Variants in TRMU observed in about 807,000 individuals in gnomAD.
TRMU encodes the protein tRNA mitochondrial 2-thiouridylase, also known as mitochondrial tRNA-specific 2-thiouridylase 1.
Under a neutral mutation model 46.9 loss-of-function variants are expected in TRMU, and 49 were observed. The observed-to-expected ratio is 1.05, with a 90% CI of 0.83 to 1.33. TRMU has a LOEUF of 1.33. TRMU is among the 40% of genes most tolerant of loss of function. The pLI is 0.00. For synonymous variants in TRMU, 241 were observed against 200.9 expected (o/e 1.20, Z -1.69); for missense variants, 572 against 532.4 (o/e 1.07, Z -0.73).
intron 8 of TRMU, chr22:46,354,384 G>T (rs2078531938): frequency 5.7e-6 from 1 of 174,698 alleles, no homozygotes. Context: ...AGTGTCTAGA[G>T]GCATTTTTGG....
At chr22:46,356,222 C>G (rs929497583) in intron 10 of TRMU, 150 bp downstream of exon 10, 2 of 750,662 alleles carry the variant, frequency 2.7e-6, no homozygotes, top group Admixed American at 2.2e-5. Flanking sequence ...CCAGCCCTGC[C>G]CTGGGGGCTC....
rs145055776 is a variant in TRMU at position 46,345,481 on chromosome 22, T to A, written c.356-941T>A. ...AAAGAAGAAACAGTGTGCTGGATGA[T>A]TCTTCACTCTGATGAAAATAATACA... On this transcript the variant is annotated intron_variant, in intron 3 of 10. Coordinates refer to ENST00000645190, the MANE Select transcript of TRMU (RefSeq NM_018006.5). Among the ~76,000 whole-genome samples the A allele has an allele frequency of 1.9e-3, 294 of 152,364 alleles. 3 individuals are homozygous for A. Among genetic ancestry groups the A allele is most frequent in the Admixed American group, 0.017 (256 of 15,294 alleles).
Position 46,335,849 on chromosome 22 carries a change from G to C in TRMU, c.82+3G>C. The stretch of plus-strand genomic sequence containing the variant: ...CGCGCTGCTGCTGAGGCGGAGAGGT[G>C]AGGCGTCCGAGGCTCCCGCCCCCCG... On this transcript the variant is annotated splice_donor_region_variant and intron_variant, in intron 1 of 10. Coordinates refer to ENST00000645190, the MANE Select transcript of TRMU (RefSeq NM_018006.5). 1 of 1,541,202 alleles carries C rather than the reference G, an allele frequency of 6.5e-7. No individual in the cohort carries two copies. Among genetic ancestry groups the C allele is most frequent in the South Asian group, 1.2e-5 (1 of 84,170 alleles).
Position 46,346,454 on chromosome 22 carries a change from A to C in TRMU, c.388A>C (p.Arg130=), listed in dbSNP as rs374760475. 3.1e-6 allele frequency: 5 copies of C among 1,613,556 alleles called. No individual in the cohort carries two copies. The African/African-American group carries it at 6.7e-5, about 22-fold the overall frequency. Reference sequence around the variant, plus strand: ...TGCCATTGCCACAGGTCACTATGCAAGAACTTCCCTGGAAGATGAAGAAGT... The same window carrying C: ...TGCCATTGCCACAGGTCACTATGCACGAACTTCCCTGGAAGATGAAGAAGT... ...ADAIATGHYA[R]TSLEDEEVFE... is the part of the protein sequence containing the mutation. Residue 130 remains arginine, a synonymous_variant, in exon 4 of 11, where the codon AGA becomes CGA. Coordinates refer to ENST00000645190, the MANE Select transcript of TRMU (RefSeq NM_018006.5).
chr22:46,355,302 G>T (rs1318452572), intron 8 of TRMU, 142 bp from the exon 9 acceptor site: 58 of 1,306,112 alleles, frequency 4.4e-5, no homozygotes, highest in Non-Finnish European at 6.0e-5. Flanking sequence ...GAATTTCTGT[G>T]GGTAGAACAC....
chr22:46,345,526 A>C (rs1015650431), intron 3 of TRMU, among the ~76,000 whole-genome samples: 6 of 152,358 alleles, frequency 3.9e-5, no homozygotes, highest in Admixed American at 1.3e-4. Context: ...CAGAAAATTT[A>C]AAAGAGGAGA....
intron 7 of TRMU, chr22:46,353,443 C>T (rs1216045388): frequency 5.5e-6 from 2 of 363,350 alleles, no homozygotes; most frequent in African/African-American, 4.2e-5. Context: ...AAGAAGGGCC[C>T]CTGGCGTCAC....
intron 3 of TRMU, among the ~76,000 whole-genome samples, chr22:46,344,808 G>T (rs1417057794): frequency 1.3e-5 from 2 of 152,244 alleles, no homozygotes; most frequent in Admixed American, 1.3e-4. Context: ...TATAAGTGCT[G>T]TTCTTTGAGG....
intron 7 of TRMU, 167 bp from the exon 8 acceptor site, chr22:46,353,600 C>T (rs2078502810): frequency 9.6e-6 from 6 of 627,806 alleles, no homozygotes; most frequent in Admixed American, 2.1e-5. Context: ...TGCTCAGGTG[C>T]TTGGTCAGGG....
Position 46,350,977 on chromosome 22 carries a change from G to T in TRMU, c.651+514G>T, listed in dbSNP as rs1401366005. ...CCATGGAGCCCGCCCGCGAGTGGGG[G>T]ACACAGGCAGGAGGCCAATCAGTGT... is the stretch of plus-strand genomic sequence containing the variant. On this transcript the variant is annotated intron_variant, in intron 5 of 10. Transcript: ENST00000645190. The surrounding 1 kb of genome is among the most constrained non-coding windows in gnomAD (Gnocchi z 4.6). Among the ~76,000 whole-genome samples the T allele has an allele frequency of 2.0e-5, 3 of 152,352 alleles. No individual in the cohort carries two copies. In the East Asian group the frequency reaches 5.8e-4, roughly 29 times the overall value.
chr22:46,339,635 T>C lies in TRMU; in HGVS notation c.248+1691T>C, dbSNP rs756717154. Among the ~76,000 whole-genome samples, 2 of 152,176 alleles carry C rather than the reference T, an allele frequency of 1.3e-5. No homozygotes were observed. The highest frequency in any genetic ancestry group is 2.9e-5 in the Non-Finnish European group (2 of 68,024). ...AAGTCACCACTGAAGAACTTATCCATGTGACCAAATACCAGCTGTTGCCCA... is the reference window on the plus strand; with the variant it reads ...AAGTCACCACTGAAGAACTTATCCACGTGACCAAATACCAGCTGTTGCCCA... On this transcript the variant is annotated intron_variant, in intron 2 of 10. Transcript: ENST00000645190. This position sits in a 1 kb window ranked among gnomAD's most constrained non-coding sequence, Gnocchi z 4.8.
rs989542521 is a variant in TRMU at position 46,347,193 on chromosome 22, G to A, written c.478+649G>A. 3.9e-5 allele frequency among the ~76,000 whole-genome samples: 6 copies of A among 152,138 alleles called. No individual in the cohort carries two copies. Among genetic ancestry groups the A allele is most frequent in the African/African-American group, 7.2e-5 (3 of 41,416 alleles). On this transcript the variant is annotated intron_variant, in intron 4 of 10. Coordinates refer to ENST00000645190, the MANE Select transcript of TRMU (RefSeq NM_018006.5). This position sits in a 1 kb window ranked among gnomAD's most constrained non-coding sequence, Gnocchi z 5.0. ...GGGGCTCAGAGCCGTGTTTCCGCAC[G>A]GAGCGTCCGTCCATCAGTGGGGACC...
At position 46,349,113 on chromosome 22, in the gene TRMU, G is replaced by A. The variant is rs1416233000; in HGVS notation, c.479-1178G>A. ...GAGATGTGCCACTGCACTCCAGCCT[G>A]GGCGACAGAGCGAGACTCCATCTCA... On this transcript the variant is annotated intron_variant, in intron 4 of 10. Coordinates refer to ENST00000645190, the MANE Select transcript of TRMU (RefSeq NM_018006.5). This position sits in a 1 kb window ranked among gnomAD's most constrained non-coding sequence, Gnocchi z 4.6. Among the ~76,000 whole-genome samples the A allele has an allele frequency of 6.6e-6, 1 of 151,880 alleles. No individual in the cohort carries two copies. Among genetic ancestry groups the A allele is most frequent in the African/African-American group, 2.4e-5 (1 of 41,348 alleles).
intron 2 of TRMU, among the ~76,000 whole-genome samples, chr22:46,340,177 TAAG>T (rs913195580): frequency 1.3e-5 from 2 of 152,174 alleles, no homozygotes. Context: ...TCTGCTTTAA[TAAG>T]CACTTCAGCT....
Position 46,351,444 on chromosome 22 carries a change from C to A in TRMU, c.652-677C>A, listed in dbSNP as rs957142185. Among the ~76,000 whole-genome samples, 39 of 151,742 alleles carry A rather than the reference C, an allele frequency of 2.6e-4. No individual in the cohort carries two copies. The highest frequency in any genetic ancestry group is 8.8e-4 in the African/African-American group (36 of 41,004). ...TCTTCAGGGGCCAGTGCGGTGGGAG[C>A]TGTTGCTCCTTCGTGTCTCTTCCTG... On this transcript the variant is annotated intron_variant, in intron 5 of 10. Transcript: ENST00000645190. This position sits in a 1 kb window ranked among gnomAD's most constrained non-coding sequence, Gnocchi z 6.4.
At position 46,355,988 on chromosome 22, in the gene TRMU, A is replaced by C; in HGVS notation, c.1019-2A>C. 1.2e-6 allele frequency: 2 copies of C among 1,613,910 alleles called. No individual in the cohort carries two copies. Among genetic ancestry groups the C allele is most frequent in the African/African-American group, 2.7e-5 (2 of 75,032 alleles). On this transcript the variant is annotated splice_acceptor_variant, in intron 9 of 10. Coordinates refer to ENST00000645190, the MANE Select transcript of TRMU (RefSeq NM_018006.5). LOFTEE classifies it high-confidence loss of function. ...CTCCAAGGGCCCCTCTCTTCTACCC[A>C]GTGCCCTGTGTGCTGACCCTCAATC...
In TRMU at chr22:46,349,489, C is replaced by T. The variant is rs150412007; in HGVS notation, c.479-802C>T. ...GGGTAGGTGTGCTGTCTGACCGTCA[C>T]GGCATGTGGCGTGCTCTGAGTGTAA... On this transcript the variant is annotated intron_variant, in intron 4 of 10. Transcript: ENST00000645190. The surrounding 1 kb of genome is among the most constrained non-coding windows in gnomAD (Gnocchi z 4.6). 5.1e-3 allele frequency among the ~76,000 whole-genome samples: 777 copies of T among 152,350 alleles called. 12 individuals are homozygous for T. Among genetic ancestry groups the T allele is most frequent in the African/African-American group, 0.018 (758 of 41,580 alleles).
At position 46,343,290 on chromosome 22, in the gene TRMU, A is replaced by T. The variant is rs2078170368; in HGVS notation, c.277A>T (p.Arg93Trp). Residue 93 changes from arginine to tryptophan, a missense_variant, in exon 3 of 11, where the codon AGG (arginine) becomes TGG (tryptophan). Transcript: ENST00000645190. ...SDFLNEYEKGRTPNPDIVCNK... is the reference protein window; with the variant it reads ...SDFLNEYEKGWTPNPDIVCNK... The stretch of plus-strand genomic sequence containing the variant: ...CTTTTTGAATGAGTATGAAAAAGGA[A>T]GGACTCCCAATCCTGACATAGTTTG... 6.2e-6 allele frequency: 10 copies of T among 1,613,962 alleles called. No homozygotes were observed. In the East Asian group the frequency reaches 2.2e-4, roughly 36 times the overall value.
At chr22:46,343,883 A>G (rs770600640) in intron 3 of TRMU, among the ~76,000 whole-genome samples, 1 of 152,064 alleles carries the variant, frequency 6.6e-6, no homozygotes, top group African/African-American at 2.4e-5. Context: ...ACGAGATACC[A>G]TTGTAAGCCA....
Sources: gnomAD v4.1 joint callset for allele counts (sites outside exome capture counted in the v4.1 genomes callset) on GRCh38, gnomAD v4.1.1 for gene constraint, Gnocchi (gnomAD v3.1) non-coding constraint, MANE v1.5 for transcripts, NCBI Gene and HGNC (gene_info 2026-07-23, HGNC 2026-07-21) for gene names.